RPS6KC1: variants seen among roughly 807,000 people sequenced by gnomAD.
RPS6KC1 encodes the protein ribosomal protein S6 kinase C1.
A neutral mutation model predicts 103.8 loss-of-function variants in RPS6KC1; 54 were observed. That is an observed-to-expected ratio of 0.52 (90% confidence interval 0.42 to 0.65). The LOEUF (loss-of-function observed/expected upper bound fraction) is 0.65. Ranked by LOEUF, RPS6KC1 falls within the 30% of genes least tolerant of loss-of-function variation. The pLI is 0.00. For synonymous variants in RPS6KC1, 439 were observed against 438.7 expected, an observed-to-expected ratio of 1.00 and a Z score of -0.01; for missense variants, 1,151 against 1,253.8, an observed-to-expected ratio of 0.92 and a Z score of 1.24.
At chr1:213,168,655 C>G (rs890139046) in intron 7 of RPS6KC1, among the ~76,000 whole-genome samples, 11 of 151,836 alleles carry the variant, frequency 7.2e-5, no homozygotes, top group African/African-American at 2.4e-4. Flanking sequence ...CGGAGTCTCA[C>G]TCTGTCCCCC....
chr1:213,766,878 G>A, the RPS6KC1 span, among the ~76,000 whole-genome samples: 2 of 152,066 alleles, frequency 1.3e-5, no homozygotes, highest in African/African-American at 2.4e-5. Context: ...CCTCCAAGGA[G>A]ATGGCATTTT....
chr1:213,298,046 C>G, the RPS6KC1 span, among the ~76,000 whole-genome samples: 1 of 152,212 alleles, frequency 6.6e-6, no homozygotes, highest in Admixed American at 6.5e-5. Context: ...AAGCTGAGCA[C>G]CCCCAGACCA....
the RPS6KC1 span, among the ~76,000 whole-genome samples, chr1:213,838,687 A>G: frequency 6.6e-6 from 1 of 152,214 alleles, no homozygotes; most frequent in Non-Finnish European, 1.5e-5. Context: ...ATGAAGTTCT[A>G]CAGCCTCCAA....
At chr1:213,221,906 C>A (rs1253829521) in intron 8 of RPS6KC1, among the ~76,000 whole-genome samples, 1 of 152,148 alleles carries the variant, frequency 6.6e-6, no homozygotes, top group Non-Finnish European at 1.5e-5. Context: ...GTACAATCTT[C>A]ATATAATTCT....
chr1:213,287,134 C>T, the RPS6KC1 span, among the ~76,000 whole-genome samples: 4 of 151,690 alleles, frequency 2.6e-5, no homozygotes, highest in Non-Finnish European at 5.9e-5. Flanking sequence ...TTTTAAAATG[C>T]AAAGAAATGA....
intron 14 of RPS6KC1, among the ~76,000 whole-genome samples, chr1:213,268,850 A>C (rs548068429): frequency 2.0e-5 from 3 of 152,136 alleles, no homozygotes; most frequent in South Asian, 2.1e-4. Flanking sequence ...TTAAAAAAAA[A>C]CCTAAAAACT....
Position 213,247,229 on chromosome 1 carries a change from C to G in RPS6KC1, c.2911+4571C>G, listed in dbSNP as rs139785540. Among the ~76,000 whole-genome samples, 16 of 152,310 alleles carry G rather than the reference C, an allele frequency of 1.1e-4. No homozygotes were observed. In the East Asian group the frequency reaches 2.3e-3, roughly 22 times the overall value. ...CATGCTCCCAGATGTCAAATGACAG[C>G]TTTGCTTCCTCTCTTAGGCAATTTC... On this transcript the variant is annotated intron_variant, in intron 12 of 14. Transcript: ENST00000366960.
chr1:213,796,584 G>A, the RPS6KC1 span, among the ~76,000 whole-genome samples: 1 of 151,998 alleles, frequency 6.6e-6, no homozygotes, highest in Non-Finnish European at 1.5e-5. Context: ...TCACCTTTTG[G>A]CCCCACGAGC....
At chr1:213,264,843 T>G (rs923490021) in intron 14 of RPS6KC1, among the ~76,000 whole-genome samples, 12 of 152,210 alleles carry the variant, frequency 7.9e-5, no homozygotes, top group Admixed American at 5.9e-4. Context: ...CTTTGGTCTT[T>G]TAGCTCCTTG....
intron 7 of RPS6KC1, among the ~76,000 whole-genome samples, chr1:213,169,568 G>A (rs769664996): frequency 1.3e-5 from 2 of 151,500 alleles, no homozygotes; most frequent in Non-Finnish European, 2.9e-5. Context: ...ATCTTTTTAA[G>A]TGGAATATTT....
At chr1:213,671,963 A>AG in the RPS6KC1 span, among the ~76,000 whole-genome samples, 2 of 151,912 alleles carry the variant, frequency 1.3e-5, no homozygotes. Flanking sequence ...TAAAAAAAAA[A>AG]AGAAAATTGA....
At chr1:213,165,030 T>G (rs1047136529) in intron 6 of RPS6KC1, among the ~76,000 whole-genome samples, 1 of 152,138 alleles carries the variant, frequency 6.6e-6, no homozygotes, top group Non-Finnish European at 1.5e-5. Context: ...CTGTTTAAAG[T>G]CACATTTGTC....
At chr1:213,164,206 G>T (rs903139649) in intron 6 of RPS6KC1, among the ~76,000 whole-genome samples, 2 of 152,162 alleles carry the variant, frequency 1.3e-5, no homozygotes, top group African/African-American at 4.8e-5. Context: ...ATAATGAAGG[G>T]TGCCAAGTGG....
chr1:213,151,658 T>G (rs2088953021), intron 6 of RPS6KC1, among the ~76,000 whole-genome samples: 1 of 72,458 alleles, frequency 1.4e-5, no homozygotes, highest in Non-Finnish European at 2.7e-5. Flanking sequence ...GGCTCCTCAC[T>G]TCCCAGTAGG....
At chr1:213,541,917 G>A in the RPS6KC1 span, among the ~76,000 whole-genome samples, 1 of 152,148 alleles carries the variant, frequency 6.6e-6, no homozygotes, top group Non-Finnish European at 1.5e-5. Context: ...CTCCAGTTTT[G>A]GGGCCAAAGC....
the RPS6KC1 span, among the ~76,000 whole-genome samples, chr1:213,297,048 T>C: frequency 2.6e-5 from 4 of 152,296 alleles, no homozygotes; most frequent in South Asian, 8.3e-4. Context: ...CCTGCTTGTC[T>C]CACAAACCAA....
the RPS6KC1 span, among the ~76,000 whole-genome samples, chr1:213,439,190 G>A: frequency 6.6e-6 from 1 of 152,056 alleles, no homozygotes; most frequent in Admixed American, 6.5e-5. Flanking sequence ...TCTAGGTCAT[G>A]TTGCCCCATG....
the RPS6KC1 span, among the ~76,000 whole-genome samples, chr1:213,493,431 C>T: frequency 6.6e-6 from 1 of 152,118 alleles, no homozygotes; most frequent in South Asian, 2.1e-4. Context: ...TATTTACACA[C>T]ATTAAAAGTA....
At chr1:213,372,167 G>A in the RPS6KC1 span, among the ~76,000 whole-genome samples, 1 of 152,222 alleles carries the variant, frequency 6.6e-6, no homozygotes, top group African/African-American at 2.4e-5. Flanking sequence ...TTGTTGTGAT[G>A]AATGAATGGG....
Sources: gnomAD v4.1 joint callset for allele counts (sites outside exome capture counted in the v4.1 genomes callset) on GRCh38, gnomAD v4.1.1 for gene constraint, MANE v1.5 for transcripts, NCBI Gene and HGNC (gene_info 2026-07-23, HGNC 2026-07-21) for gene names.